SV2C: variants seen among roughly 807,000 people sequenced by gnomAD.
The protein encoded by SV2C is solute carrier family 22 member B3.
A neutral mutation model predicts 79.7 loss-of-function variants in SV2C; 49 were observed. The observed-to-expected ratio is 0.61, with a 90% CI of 0.49 to 0.78. SV2C has a LOEUF of 0.78. SV2C is among the 30% of genes least tolerant of loss of function. The probability of loss-of-function intolerance (pLI) is 0.00; values close to 1 mark genes in which losing one functional copy is unlikely to be tolerated. For synonymous variants in SV2C, 334 were observed against 333.2 expected (o/e 1.00, Z -0.03); for missense variants, 833 against 912.9 (o/e 0.91, Z 1.13).
the SV2C span, among the ~76,000 whole-genome samples, chr5:75,958,929 T>A: frequency 6.6e-6 from 1 of 151,966 alleles, no homozygotes; most frequent in Non-Finnish European, 1.5e-5. Flanking sequence ...TCTTTGTACA[T>A]CTGCGTAGGT....
chr5:76,226,485 C>T (rs562598533), intron 4 of SV2C, among the ~76,000 whole-genome samples: 1 of 152,262 alleles, frequency 6.6e-6, no homozygotes, highest in South Asian at 2.1e-4. Flanking sequence ...TATATGAAAT[C>T]TCTCCCATTT....
downstream of SV2C, among the ~76,000 whole-genome samples, chr5:76,338,208 G>A (rs769420905): frequency 1.3e-5 from 2 of 152,236 alleles, no homozygotes; most frequent in Non-Finnish European, 2.9e-5. Flanking sequence ...GGGCCAGAAT[G>A]AAGTAGATAG....
the SV2C span, among the ~76,000 whole-genome samples, chr5:75,869,148 TC>T: frequency 6.6e-6 from 1 of 151,212 alleles, no homozygotes; most frequent in East Asian, 2.0e-4. Flanking sequence ...CCAGCTAGGT[TC>T]TTGGGGTCTT....
At chr5:75,928,460 T>A in the SV2C span, among the ~76,000 whole-genome samples, 2 of 152,182 alleles carry the variant, frequency 1.3e-5, no homozygotes, top group Non-Finnish European at 2.9e-5. Flanking sequence ...GGTAAACACA[T>A]GTAGGTATTA....
At chr5:76,080,526 A>G (rs1746969377), upstream of SV2C, among the ~76,000 whole-genome samples, 1 of 152,224 alleles carries the variant, frequency 6.6e-6, no homozygotes, top group African/African-American at 2.4e-5. Context: ...CATTTATTCT[A>G]TACCCATTGT....
chr5:75,888,220 G>A, the SV2C span, among the ~76,000 whole-genome samples: 2,010 of 151,926 alleles, frequency 0.013, 45 homozygotes, highest in African/African-American at 0.044. Flanking sequence ...GGTGTAGTCC[G>A]CTGCAACCAG....
intron 1 of SV2C, among the ~76,000 whole-genome samples, chr5:76,118,797 T>C (rs58300456): frequency 0.046 from 7,067 of 152,072 alleles, 542 homozygotes; most frequent in African/African-American, 0.16. Flanking sequence ...GCCTGGCCAA[T>C]ATGGCGAAAC....
chr5:75,862,685 C>A, the SV2C span, among the ~76,000 whole-genome samples: 2 of 152,176 alleles, frequency 1.3e-5, no homozygotes, highest in African/African-American at 4.8e-5. Context: ...GAAGATGGAA[C>A]TGTGGCTGAG....
At chr5:75,864,065 T>C in the SV2C span, among the ~76,000 whole-genome samples, 1 of 152,194 alleles carries the variant, frequency 6.6e-6, no homozygotes, top group Non-Finnish European at 1.5e-5. Context: ...TACATCATGG[T>C]TATAGTTTCT....
chr5:75,981,269 T>C, the SV2C span, among the ~76,000 whole-genome samples: 1 of 152,264 alleles, frequency 6.6e-6, no homozygotes, highest in South Asian at 2.1e-4. Context: ...GAAGAATCAA[T>C]ATTATTAAAA....
chr5:76,211,514 G>A (rs1197036459), intron 4 of SV2C, among the ~76,000 whole-genome samples: 9 of 151,798 alleles, frequency 5.9e-5, no homozygotes, highest in Admixed American at 1.3e-4. Context: ...GCACACACAC[G>A]TGCACATGTG....
the SV2C span, among the ~76,000 whole-genome samples, chr5:76,009,741 C>T: frequency 1.4e-4 from 21 of 152,082 alleles, no homozygotes; most frequent in South Asian, 3.5e-3. Flanking sequence ...ACAATAGACA[C>T]GGGGGACCCC....
At chr5:76,352,321 T>A (rs1368526010) in intron 12 of SV2C, among the ~76,000 whole-genome samples, 1 of 152,226 alleles carries the variant, frequency 6.6e-6, no homozygotes, top group Non-Finnish European at 1.5e-5. Flanking sequence ...AGGAAGCTGT[T>A]ATGGTTTGAC....
the SV2C span, chr5:75,910,764 T>G: frequency 3.6e-5 from 49 of 1,362,190 alleles, no homozygotes; most frequent in Admixed American, 6.8e-5. Flanking sequence ...GAGCTGCCTA[T>G]TCTTTATAAC....
In SV2C at chr5:76,291,137, T is replaced by C. The variant is rs1747547180; in HGVS notation, c.1138-84T>C. ...CCTACTTCTTGCCGGAGTCAGTTTT[T>C]GCTCCTGTAAAAACAAATTATAACC... On this transcript the variant is annotated intron_variant, in intron 6 of 12. Coordinates refer to ENST00000502798, the MANE Select transcript of SV2C (RefSeq NM_014979.4). The C allele has an allele frequency of 2.2e-5, 20 of 895,346 alleles. No individual in the cohort carries two copies. In the South Asian group the frequency reaches 3.4e-4, roughly 15 times the overall value. The allele number at this position is 895,346 out of a possible 1,614,324, so 55.5% of individuals were successfully genotyped here. A position where few individuals can be genotyped will look rare whatever the true frequency, so the allele number is the denominator to read the frequency against.
intron 1 of SV2C, among the ~76,000 whole-genome samples, chr5:76,122,005 T>C (rs1748520192): frequency 6.6e-6 from 1 of 152,196 alleles, no homozygotes; most frequent in Non-Finnish European, 1.5e-5. Flanking sequence ...CCCATGAGCA[T>C]GGAATGTTCT....
chr5:76,028,912 T>A, the SV2C span, among the ~76,000 whole-genome samples: 1 of 152,212 alleles, frequency 6.6e-6, no homozygotes, highest in Non-Finnish European at 1.5e-5. Flanking sequence ...AGAAGTATAG[T>A]TGCAGATTAA....
chr5:75,907,448 C>T, the SV2C span, among the ~76,000 whole-genome samples: 2 of 152,182 alleles, frequency 1.3e-5, no homozygotes, highest in South Asian at 2.1e-4. Context: ...CTGTGGTAAC[C>T]CTTGCAGGCT....
Position 76,219,994 on chromosome 5 carries a change from G to A in SV2C, c.913+10107G>A, listed in dbSNP as rs77397724. 5.1e-3 allele frequency among the ~76,000 whole-genome samples: 776 copies of A among 152,240 alleles called. 13 individuals are homozygous for A. Among genetic ancestry groups the A allele is most frequent in the African/African-American group, 0.018 (756 of 41,532 alleles). ...GGGGAAATGGGCTTTAAAATATGGC[G>A]ATTTCCTGCTCTGGTGCTCATGTGA... On this transcript the variant is annotated intron_variant, in intron 4 of 12. Transcript: ENST00000502798.
Sources: allele counts gnomAD v4.1 joint callset (sites outside exome capture counted in the v4.1 genomes callset), GRCh38; gene constraint gnomAD v4.1.1; transcripts MANE v1.5; gene names NCBI Gene and HGNC (gene_info 2026-07-23, HGNC 2026-07-21).